The following WWOX variants were observed in gnomAD, a reference collection of about 807,000 sequenced individuals.
The protein encoded by WWOX is WW domain containing oxidoreductase.
WWOX carries 69 observed loss-of-function variants against 46.2 expected under a neutral mutation model. That is an observed-to-expected ratio of 1.49 (90% confidence interval 1.23 to 1.82). The LOEUF is 1.82. Ranked by LOEUF, WWOX falls within the 40% of genes most tolerant of loss-of-function variation. The probability of loss-of-function intolerance (pLI) is 0.00; values close to 1 mark genes in which losing one functional copy is unlikely to be tolerated. For missense variants in WWOX, 919 were observed against 542.6 expected (o/e 1.69, Z -6.89); for synonymous variants, 359 against 202.6 (o/e 1.77, Z -6.56).
chr16:78,667,226 G>T (rs2047351598), intron 8 of WWOX, among the ~76,000 whole-genome samples: 1 of 152,096 alleles, frequency 6.6e-6, no homozygotes, highest in South Asian at 2.1e-4. Context: ...TTAAATTTTA[G>T]GTTTCTGCCC....
intron 8 of WWOX, among the ~76,000 whole-genome samples, chr16:78,496,811 A>G (rs2084929271): frequency 6.6e-6 from 1 of 152,198 alleles, no homozygotes; most frequent in South Asian, 2.1e-4. Context: ...GCCCCAAGAC[A>G]TGGAGAAGTC....
intron 5 of WWOX, among the ~76,000 whole-genome samples, chr16:78,372,636 C>G (rs1345186599): frequency 6.6e-6 from 1 of 152,198 alleles, no homozygotes; most frequent in East Asian, 1.9e-4. Context: ...GAATTAGCAG[C>G]TGTCAGCCCA....
At chr16:78,868,113 C>T (rs760667897) in intron 8 of WWOX, among the ~76,000 whole-genome samples, 7 of 152,106 alleles carry the variant, frequency 4.6e-5, no homozygotes, top group Admixed American at 1.3e-4. Context: ...GATAGCCAAA[C>T]GCCGGAAATA....
intron 8 of WWOX, among the ~76,000 whole-genome samples, chr16:78,499,504 C>A (rs2085004117): frequency 6.6e-6 from 1 of 152,208 alleles, no homozygotes; most frequent in Admixed American, 6.5e-5. Flanking sequence ...TCTTTGGCAA[C>A]TAGCAGCGAC....
At chr16:79,156,317 C>T (rs2050380742) in intron 8 of WWOX, among the ~76,000 whole-genome samples, 1 of 152,196 alleles carries the variant, frequency 6.6e-6, no homozygotes, top group Admixed American at 6.5e-5. Context: ...CGCACCAACA[C>T]ACTTGGCTAA....
intron 8 of WWOX, among the ~76,000 whole-genome samples, chr16:78,585,883 G>C (rs1044025996): frequency 2.6e-5 from 4 of 151,810 alleles, no homozygotes; most frequent in Non-Finnish European, 4.4e-5. Context: ...TCTCTTCCAA[G>C]CTGCGCATCT....
intron 8 of WWOX, among the ~76,000 whole-genome samples, chr16:79,153,590 T>C (rs2050323299): frequency 6.6e-6 from 1 of 152,186 alleles, no homozygotes; most frequent in Admixed American, 6.5e-5. Context: ...ACACAATCAG[T>C]TGCCTGTCCA....
intron 8 of WWOX, among the ~76,000 whole-genome samples, chr16:78,883,453 G>A (rs1457738341): frequency 6.6e-6 from 1 of 152,204 alleles, no homozygotes; most frequent in Non-Finnish European, 1.5e-5. Context: ...GCTGGGCATG[G>A]TGGCTTATGC....
intron 8 of WWOX, among the ~76,000 whole-genome samples, chr16:78,580,597 C>T (rs572190520): frequency 3.3e-5 from 5 of 152,342 alleles, no homozygotes; most frequent in East Asian, 3.9e-4. Context: ...GCACACTTCT[C>T]TACATTACCT....
chr16:78,432,408 C>G, intron 7 of WWOX, 80 bp from the exon 8 acceptor site: 1 of 1,574,226 alleles, frequency 6.4e-7, no homozygotes. Flanking sequence ...ACCCAGCATT[C>G]CTTAGATTTC....
At chr16:78,849,190 T>C (rs890849670) in intron 8 of WWOX, among the ~76,000 whole-genome samples, 2 of 152,170 alleles carry the variant, frequency 1.3e-5, no homozygotes, top group African/African-American at 4.8e-5. Flanking sequence ...CAAGAGTCAA[T>C]GTAAGTCTCT....
intron 8 of WWOX, among the ~76,000 whole-genome samples, chr16:79,183,732 A>C (rs1248656875): frequency 6.6e-6 from 1 of 152,174 alleles, no homozygotes; most frequent in African/African-American, 2.4e-5. Context: ...CTACTATTGC[A>C]CCCACTCTAC....
intron 8 of WWOX, among the ~76,000 whole-genome samples, chr16:78,460,771 C>A (rs1261330657): frequency 6.6e-6 from 1 of 152,206 alleles, no homozygotes; most frequent in Admixed American, 6.5e-5. Context: ...ATGGAGTGAT[C>A]TTTACGCCAT....
intron 8 of WWOX, among the ~76,000 whole-genome samples, chr16:78,837,968 G>C (rs535613619): frequency 6.6e-6 from 1 of 152,290 alleles, no homozygotes; most frequent in Non-Finnish European, 1.5e-5. Flanking sequence ...AATTTACTTT[G>C]TGTTGTTCCA....
At chr16:79,031,304 T>C (rs1271943820) in intron 8 of WWOX, among the ~76,000 whole-genome samples, 2 of 152,110 alleles carry the variant, frequency 1.3e-5, no homozygotes, top group Non-Finnish European at 2.9e-5. Context: ...TGGGGAGCAC[T>C]GTTTGGTACT....
At chr16:78,462,619 A>C (rs1254046942) in intron 8 of WWOX, among the ~76,000 whole-genome samples, 2 of 152,210 alleles carry the variant, frequency 1.3e-5, no homozygotes, top group Non-Finnish European at 2.9e-5. Context: ...TCCGTCTCCA[A>C]GTCGCCCTTA....
rs1465847047 is a variant in WWOX at position 78,348,628 on chromosome 16, C to G, written c.517-38232C>G. On this transcript the variant is annotated intron_variant, in intron 5 of 8. Transcript: ENST00000566780. ...ACATGCCACTACACCCAGTTAATTACTACATTTTCTGTAGAGACGGGCTTT... is the reference window on the plus strand; with the variant it reads ...ACATGCCACTACACCCAGTTAATTAGTACATTTTCTGTAGAGACGGGCTTT... 8.4e-5 allele frequency among the ~76,000 whole-genome samples: 10 copies of G among 119,044 alleles called. 3 individuals carry two copies. The highest frequency in any genetic ancestry group is 3.3e-4 in the Admixed American group (4 of 12,142). The allele number at this position is 119,044 out of a possible 152,430, so 78.1% of individuals were successfully genotyped here.
At chr16:78,938,489 T>C (rs907714893) in intron 8 of WWOX, among the ~76,000 whole-genome samples, 1 of 151,900 alleles carries the variant, frequency 6.6e-6, no homozygotes, top group African/African-American at 2.4e-5. Flanking sequence ...TTCTATCTCC[T>C]GCTGCTGTCT....
intron 8 of WWOX, among the ~76,000 whole-genome samples, chr16:79,128,843 G>C (rs1193362365): frequency 1.3e-5 from 2 of 152,164 alleles, no homozygotes; most frequent in Admixed American, 6.5e-5. Context: ...ACACTCTGCA[G>C]AGTATGAAGG....
Sources: gnomAD v4.1 joint callset for allele counts (sites outside exome capture counted in the v4.1 genomes callset) on GRCh38, gnomAD v4.1.1 for gene constraint, MANE v1.5 for transcripts, NCBI Gene and HGNC (gene_info 2026-07-23, HGNC 2026-07-21) for gene names.